TREML1: variants seen among roughly 807,000 people sequenced by gnomAD.
TREML1 encodes triggering receptor expressed on myeloid cells like 1.
A neutral mutation model predicts 22.8 loss-of-function variants in TREML1; 27 were observed. The observed-to-expected ratio is 1.19, with a 90% confidence interval of 0.87 to 1.64. The LOEUF (loss-of-function observed/expected upper bound fraction) is 1.64, where lower values mean the gene tolerates loss of function less well. Ranked by LOEUF, TREML1 falls within the 40% of genes most tolerant of loss-of-function variation. TREML1 has a pLI of 0.00. For synonymous variants in TREML1, 153 were observed against 161.9 expected (o/e 0.94, Z 0.42); for missense variants, 356 against 382.0 (o/e 0.93, Z 0.57).
chr6:41,150,683 G>C, intron 4 of TREML1, 136 bp downstream of exon 4: 1 of 748,212 alleles, frequency 1.3e-6, no homozygotes, highest in South Asian at 1.7e-5. Flanking sequence ...GGAATTCTAG[G>C]ATATGGGGGC....
upstream of TREML1, among the ~76,000 whole-genome samples, chr6:41,155,373 G>GTT (rs1554138412): frequency 3.7e-5 from 2 of 54,130 alleles, no homozygotes; most frequent in Non-Finnish European, 6.6e-5. Flanking sequence ...CAGAGTAAAC[G>GTT]TTTCTCTCTC....
At position 41,154,038 on chromosome 6, in the gene TREML1, G is replaced by A. The variant is rs775313936; in HGVS notation, c.96C>T (p.Ser32=). 2.5e-6 allele frequency: 4 copies of A among 1,614,090 alleles called. No homozygotes were observed. The South Asian group carries it at 4.4e-5, about 18-fold the overall frequency. Reference sequence around the variant, plus strand: ...TGTAGTGGCACTGCACCAGAATGGAGCTTCCCACGGGTGCCTGCAGCACCT... The same window carrying A: ...TGTAGTGGCACTGCACCAGAATGGAACTTCCCACGGGTGCCTGCAGCACCT... The part of the protein sequence containing the change: ...LPEVLQAPVG[S]SILVQCHYRL... The change falls in exon 2 of 6, where the codon AGC becomes AGT. Residue 32 remains serine (S), a synonymous_variant. Coordinates refer to ENST00000426005, the MANE Select transcript of TREML1 (RefSeq NM_178174.4).
At chr6:41,153,559 A>G (rs1051219787) in intron 2 of TREML1, among the ~76,000 whole-genome samples, 199 bp downstream of exon 2, 4 of 152,032 alleles carry the variant, frequency 2.6e-5, no homozygotes, top group Admixed American at 6.6e-5. Flanking sequence ...GGAAGGGGGA[A>G]AGGGATGGTT....
upstream of TREML1, among the ~76,000 whole-genome samples, chr6:41,154,793 C>T (rs571145849): frequency 2.0e-4 from 30 of 152,270 alleles, no homozygotes; most frequent in African/African-American, 7.2e-4. Flanking sequence ...TGATCCTGTG[C>T]CCTGGACTGG....
At position 41,154,083 on chromosome 6, in the gene TREML1, G is replaced by T. The variant is rs1401182050; in HGVS notation, c.51C>A (p.Gly17=). The part of the protein sequence containing the change: ...LLLLLGLEGQ[G]IVGSLPEVLQ... ...GCACCTCAGGGAGGCTGCCAACTAT[G>T]CCCTGACCTGGGGAAGGAAAGGAGG... is the stretch of plus-strand genomic sequence containing the variant. Residue 17 remains glycine, a synonymous_variant, in exon 2 of 6, where the codon GGC becomes GGA. Transcript: ENST00000426005. 1.9e-6 allele frequency: 3 copies of T among 1,610,130 alleles called. No individual in the cohort carries two copies. Among genetic ancestry groups the T allele is most frequent in the Non-Finnish European group, 2.5e-6 (3 of 1,177,800 alleles).
upstream of TREML1, among the ~76,000 whole-genome samples, chr6:41,155,006 AT>A (rs1349844924): frequency 6.6e-6 from 1 of 151,540 alleles, no homozygotes; most frequent in Non-Finnish European, 1.5e-5. Context: ...CTCATTTTCC[AT>A]CTTTTTGTCT....
Position 41,154,087 on chromosome 6 carries a change from T to C in TREML1, c.47A>G (p.Gln16Arg). The change falls in exon 2 of 6, where the codon CAG becomes CGG. Residue 16 changes from glutamine (Q) to arginine (R), a missense_variant. Coordinates refer to ENST00000426005, the MANE Select transcript of TREML1 (RefSeq NM_178174.4). The stretch of plus-strand genomic sequence containing the variant: ...CTCAGGGAGGCTGCCAACTATGCCC[T>C]GACCTGGGGAAGGAAAGGAGGTGGG... ...LLLLLLGLEG[Q>R]GIVGSLPEVL... is the part of the protein sequence containing the mutation. 1 of 1,608,672 alleles carries C rather than the reference T, an allele frequency of 6.2e-7. No homozygotes were observed. Among genetic ancestry groups the C allele is most frequent in the Non-Finnish European group, 8.5e-7 (1 of 1,176,960 alleles).
chr6:41,149,695 G>T lies in TREML1; in HGVS notation c.845C>A (p.Ala282Asp). The change falls in exon 6 of 6, where the codon GCC (alanine) becomes GAC (aspartate). Residue 282 changes from alanine (A) to aspartate (D), a missense_variant. Ala to Asp is a moderately radical substitution (Grantham distance 126). Transcript: ENST00000426005. ...GTTCCCTCCCGGGAAGATTACTGTG[G>T]CATATGTCACAGGCTTGGAGCAGAC... ...VLVCSKPVTY[A>D]TVIFPGGNKG... 1 of 1,614,186 alleles carries T rather than the reference G, an allele frequency of 6.2e-7. No individual in the cohort carries two copies. Among genetic ancestry groups the T allele is most frequent in the Non-Finnish European group, 8.5e-7 (1 of 1,180,026 alleles).
At chr6:41,153,504 T>C (rs1446256091) in intron 2 of TREML1, among the ~76,000 whole-genome samples, 1 of 152,080 alleles carries the variant, frequency 6.6e-6, no homozygotes. Flanking sequence ...GCCAAGTCCC[T>C]GGAGTGGGAA....
intron 4 of TREML1, among the ~76,000 whole-genome samples, 190 bp downstream of exon 4, chr6:41,150,629 G>T (rs1478232135): frequency 1.3e-5 from 2 of 151,924 alleles, no homozygotes; most frequent in Non-Finnish European, 2.9e-5. Flanking sequence ...TCTGCAGACT[G>T]CTCCCATTGA....
rs1765225446 is a variant in TREML1, at chr6:41,150,846, A to G, written c.541T>C (p.Phe181Leu). 2 of 1,614,002 alleles carry G rather than the reference A, an allele frequency of 1.2e-6. No individual in the cohort carries two copies. The highest frequency in any genetic ancestry group is 1.3e-5 in the African/African-American group (1 of 74,916). ...TGTTTCCTCTTGGCCATCACAGCAAACAGCACCACCGCTGCCACCAGCAGA... is the reference window on the plus strand; with the variant it reads ...TGTTTCCTCTTGGCCATCACAGCAAGCAGCACCACCGCTGCCACCAGCAGA... ...VGLLVAAVVL[F>L]AVMAKRKQGN... The change falls in exon 4 of 6, where the codon TTT (phenylalanine) becomes CTT (leucine). Residue 181 changes from phenylalanine to leucine, a missense_variant. Physicochemically the swap from Phe to Leu is conservative, Grantham distance 22. Coordinates refer to ENST00000426005, the MANE Select transcript of TREML1 (RefSeq NM_178174.4).
chr6:41,151,611 C>G, intron 2 of TREML1: 1 of 541,908 alleles, frequency 1.8e-6, no homozygotes, highest in South Asian at 2.2e-5. Context: ...CTGGTTGTGA[C>G]TACACCCACT....
upstream of TREML1, chr6:41,154,383 G>A: frequency 9.1e-7 from 1 of 1,093,726 alleles, no homozygotes; most frequent in Non-Finnish European, 1.4e-6. Context: ...AAGTCACTTG[G>A]GGTGGGAGAA....
chr6:41,155,375 T>TCTCTCTCTCTCTCTCTC (rs1765393079), upstream of TREML1, among the ~76,000 whole-genome samples: 29 of 136,724 alleles, frequency 2.1e-4, no homozygotes, highest in Admixed American at 1.1e-3. Flanking sequence ...GAGTAAACGT[T>TCTCTCTCTCTCTCTCTC]TCTCTCTCTC....
intron 2 of TREML1, 177 bp from the exon 3 acceptor site, chr6:41,151,561 C>G (rs1765248531): frequency 1.7e-6 from 1 of 601,916 alleles, no homozygotes; most frequent in Non-Finnish European, 3.0e-6. Context: ...GCCTGTCACT[C>G]CACAGATCAG....
Position 41,153,915 on chromosome 6 carries a change from C to T in TREML1, c.219G>A (p.Ala73=), listed in dbSNP as rs200459385. The T allele has an allele frequency of 6.0e-5, 97 of 1,614,162 alleles. No individual in the cohort carries two copies. Among genetic ancestry groups the T allele is most frequent in the Admixed American group, 8.3e-5 (5 of 60,030 alleles). ...VSSAVDRRAP[A]GRRTFLTDLG... ...GGTCTGTGAGAAACGTACGCCTGCC[C>T]GCTGGAGCTCTGCGATCCACAGCTG... Residue 73 remains alanine, a synonymous_variant, in exon 2 of 6, where the codon GCG becomes GCA. Coordinates refer to ENST00000426005, the MANE Select transcript of TREML1 (RefSeq NM_178174.4).
upstream of TREML1, among the ~76,000 whole-genome samples, chr6:41,155,296 A>G (rs1765390279): frequency 6.6e-6 from 1 of 152,108 alleles, no homozygotes; most frequent in Non-Finnish European, 1.5e-5. Context: ...AATAGCAAAC[A>G]TACCTTGAGT....
chr6:41,151,460 T>A (rs1337536096), intron 2 of TREML1, 76 bp from the exon 3 acceptor site: 1 of 1,374,626 alleles, frequency 7.3e-7, no homozygotes, highest in East Asian at 2.3e-5. Flanking sequence ...CAATATCCTG[T>A]TGAGGTCTGA....
At chr6:41,150,155 A>T in intron 5 of TREML1, 106 bp downstream of exon 5, 1 of 1,300,116 alleles carries the variant, frequency 7.7e-7, no homozygotes. Context: ...TTGGACCCCA[A>T]CTAGGTCCCA....
Sources: allele counts gnomAD v4.1 joint callset (sites outside exome capture counted in the v4.1 genomes callset), GRCh38; gene constraint gnomAD v4.1.1; transcripts MANE v1.5; gene names NCBI Gene and HGNC (gene_info 2026-07-23, HGNC 2026-07-21).